SCHIP1: variants seen among roughly 807,000 people sequenced by gnomAD.
SCHIP1 encodes the protein schwannomin interacting protein 1.
In SCHIP1, 8 loss-of-function variants were observed where a neutral mutation model predicts 29.7. That is an observed-to-expected ratio of 0.27 (90% confidence interval 0.16 to 0.49). The LOEUF (loss-of-function observed/expected upper bound fraction) is 0.49, where lower values mean the gene tolerates loss of function less well. Ranked by LOEUF, SCHIP1 falls within the 20% of genes least tolerant of loss-of-function variation. The pLI, the probability that SCHIP1 is intolerant of heterozygous loss-of-function variation, is 0.99. For missense variants in SCHIP1, 193 were observed against 294.6 expected, an observed-to-expected ratio of 0.66 and a Z score of 2.52; for synonymous variants, 76 against 94.9, an observed-to-expected ratio of 0.80 and a Z score of 1.16.
chr3:159,718,855 A>C, the SCHIP1 span, among the ~76,000 whole-genome samples: 3 of 152,108 alleles, frequency 2.0e-5, no homozygotes, highest in African/African-American at 4.8e-5. Flanking sequence ...CTACCAATGA[A>C]TTTCTTCGCA....
the SCHIP1 span, among the ~76,000 whole-genome samples, chr3:159,401,587 GTAC>G: frequency 6.6e-6 from 1 of 152,102 alleles, no homozygotes; most frequent in Admixed American, 6.6e-5. Flanking sequence ...CAGTTAAAAA[GTAC>G]TATAACCAGT....
chr3:159,492,417 G>A, the SCHIP1 span, among the ~76,000 whole-genome samples: 1 of 152,214 alleles, frequency 6.6e-6, no homozygotes, highest in African/African-American at 2.4e-5. Context: ...GGACCTGATG[G>A]AACTGAAAAC....
At chr3:159,703,863 C>G in the SCHIP1 span, among the ~76,000 whole-genome samples, 1 of 152,196 alleles carries the variant, frequency 6.6e-6, no homozygotes, top group Non-Finnish European at 1.5e-5. Context: ...TTTGCAAGTT[C>G]TGAAGCCTCT....
At chr3:159,469,092 C>T in the SCHIP1 span, among the ~76,000 whole-genome samples, 2 of 151,976 alleles carry the variant, frequency 1.3e-5, no homozygotes, top group Non-Finnish European at 2.9e-5. Context: ...ATTAAGGAAA[C>T]AGAATTATCA....
the SCHIP1 span, among the ~76,000 whole-genome samples, chr3:159,460,973 T>C: frequency 1.4e-4 from 21 of 152,106 alleles, no homozygotes; most frequent in Admixed American, 1.2e-3. Flanking sequence ...ATCATACAAA[T>C]GCCATGGACC....
intron 1 of SCHIP1, chr3:159,853,392 A>G (rs965854663): frequency 7.5e-5 from 52 of 697,522 alleles, no homozygotes; most frequent in Non-Finnish European, 1.2e-4. Flanking sequence ...GAATTTGGAC[A>G]GTGATGGAAT....
chr3:159,389,533 A>G, the SCHIP1 span, among the ~76,000 whole-genome samples: 184 of 152,192 alleles, frequency 1.2e-3, no homozygotes, highest in African/African-American at 3.9e-3. Flanking sequence ...ACTTATAGAA[A>G]ATTCTCCTGC....
chr3:159,681,336 C>T, the SCHIP1 span, among the ~76,000 whole-genome samples: 10 of 151,438 alleles, frequency 6.6e-5, no homozygotes, highest in East Asian at 1.4e-3. Flanking sequence ...ATTAAATTCT[C>T]AAGCAACGTT....
At chr3:159,525,964 G>A in the SCHIP1 span, among the ~76,000 whole-genome samples, 3 of 152,108 alleles carry the variant, frequency 2.0e-5, no homozygotes, top group South Asian at 6.2e-4. Flanking sequence ...TTAATTCCTT[G>A]TAGTAACACC....
chr3:159,609,721 G>A, the SCHIP1 span, among the ~76,000 whole-genome samples: 26,993 of 152,010 alleles, frequency 0.18, 6,464 homozygotes, highest in African/African-American at 0.55. Flanking sequence ...GTTGCCCTAC[G>A]AGCCCTGGAC....
At chr3:159,828,409 G>GTATATATA in the SCHIP1 span, among the ~76,000 whole-genome samples, 1 of 31,836 alleles carries the variant, frequency 3.1e-5, no homozygotes, top group Non-Finnish European at 5.0e-5. Context: ...ATATATATAC[G>GTATATATA]TATATATACG....
rs1714051140 is a variant in SCHIP1 at position 159,861,438 on chromosome 3, C to A, written c.31-4725C>A. On this transcript the variant is annotated intron_variant, in intron 1 of 6. Transcript: ENST00000445224. The surrounding 1 kb of genome is among the most constrained non-coding windows in gnomAD (Gnocchi z 4.1). The stretch of plus-strand genomic sequence containing the variant: ...TGGGGAATTGCAGTAGAACAGGGCA[C>A]ATCAGGAAAGGCTGAGCATTGGTGT... Among the ~76,000 whole-genome samples the A allele has an allele frequency of 6.6e-6, 1 of 152,180 alleles. No homozygotes were observed. Among genetic ancestry groups the A allele is most frequent in the African/African-American group, 2.4e-5 (1 of 41,434 alleles).
chr3:159,503,605 A>C, the SCHIP1 span, among the ~76,000 whole-genome samples: 1 of 152,184 alleles, frequency 6.6e-6, no homozygotes, highest in Non-Finnish European at 1.5e-5. Context: ...CACCTTTCAT[A>C]TGCTATTCAG....
chr3:159,523,883 T>G, the SCHIP1 span, among the ~76,000 whole-genome samples: 1 of 152,168 alleles, frequency 6.6e-6, no homozygotes, highest in Non-Finnish European at 1.5e-5. Context: ...AAAGAAAGAA[T>G]TGCCTCCTCA....
At chr3:159,492,798 G>A in the SCHIP1 span, among the ~76,000 whole-genome samples, 4 of 152,074 alleles carry the variant, frequency 2.6e-5, no homozygotes, top group South Asian at 2.1e-4. Context: ...ACACATAATT[G>A]TCAGATTCAC....
chr3:159,810,047 G>T, the SCHIP1 span, among the ~76,000 whole-genome samples: 36 of 152,112 alleles, frequency 2.4e-4, no homozygotes, highest in South Asian at 1.2e-3. Flanking sequence ...CACCTTTTTT[G>T]TTGTTGTTGT....
the SCHIP1 span, among the ~76,000 whole-genome samples, chr3:159,613,618 A>G: frequency 6.6e-6 from 1 of 152,190 alleles, no homozygotes; most frequent in Non-Finnish European, 1.5e-5. Context: ...AGCCCATAGC[A>G]AAATATGCAG....
chr3:159,598,858 T>C, the SCHIP1 span, among the ~76,000 whole-genome samples: 1 of 152,212 alleles, frequency 6.6e-6, no homozygotes, highest in South Asian at 2.1e-4. Flanking sequence ...ATATATGCTT[T>C]ATGAATCTGG....
At chr3:159,764,840 A>G in the SCHIP1 span, 69 of 1,591,920 alleles carry the variant, frequency 4.3e-5, no homozygotes, top group African/African-American at 8.4e-4. The surrounding 1 kb of genome is among the most constrained non-coding windows in gnomAD (Gnocchi z 6.1). Context: ...AACCTCCACC[A>G]GCACGACCCC....
Sources: gnomAD v4.1 joint callset for allele counts (sites outside exome capture counted in the v4.1 genomes callset) on GRCh38, gnomAD v4.1.1 for gene constraint, Gnocchi (gnomAD v3.1) non-coding constraint, MANE v1.5 for transcripts, NCBI Gene and HGNC (gene_info 2026-07-23, HGNC 2026-07-21) for gene names.